The following DMD variants were observed in gnomAD, a reference collection of about 807,000 sequenced individuals.
DMD encodes dystrophin, also known as mutant dystrophin.
Under a neutral mutation model 330.1 loss-of-function variants are expected in DMD, and 63 were observed. The observed-to-expected ratio is 0.19, with a 90% confidence interval of 0.16 to 0.24. The LOEUF (loss-of-function observed/expected upper bound fraction) is 0.24. Among genes scored for constraint, DMD ranks in the 10% least tolerant of loss-of-function variants. DMD has a pLI of 1.00. For missense variants in DMD, 3,344 were observed against 2,684.1 expected (o/e 1.25, Z -5.43); for synonymous variants, 1,223 against 959.8 (o/e 1.27, Z -5.07).
At chrX:32,506,009 G>C (rs1259946197) in intron 18 of DMD, among the ~76,000 whole-genome samples, 1 of 112,215 alleles carries the variant, frequency 8.9e-6, no homozygotes, top group Non-Finnish European at 1.9e-5. Context: ...GTGGTTTCTA[G>C]AGATTAGGAG....
intron 37 of DMD, among the ~76,000 whole-genome samples, chrX:32,358,555 G>A (rs926749557): frequency 8.9e-6 from 1 of 111,756 alleles, no homozygotes; most frequent in Non-Finnish European, 1.9e-5. Context: ...CAAAGTCATT[G>A]GATACTCTTA....
rs201066069 is a variant in DMD, at chrX:31,982,180, C to CT, written c.6439-13667dup. Among the ~76,000 whole-genome samples the CT allele has an allele frequency of 1.5e-4, 17 of 110,733 alleles. No homozygotes were observed. The East Asian group carries it at 2.3e-3, about 15-fold the overall frequency. ...TTTCTAAACAACTTAAAAACCACTT[C>CT]TTTTTTTTTCCAGCTAATGAAAGTT... is the stretch of plus-strand genomic sequence containing the variant. On this transcript the variant is annotated intron_variant, in intron 44 of 78. Transcript: ENST00000357033.
intron 2 of DMD, among the ~76,000 whole-genome samples, chrX:32,862,815 C>T (rs2082169061): frequency 9.0e-6 from 1 of 111,137 alleles, no homozygotes; most frequent in African/African-American, 3.3e-5. Context: ...TGGCTCACTG[C>T]AACCTCCGCC....
intron 52 of DMD, among the ~76,000 whole-genome samples, chrX:31,699,076 T>G (rs996439075): frequency 9.8e-5 from 11 of 111,942 alleles, no homozygotes; most frequent in African/African-American, 3.6e-4. Flanking sequence ...ATTAATAATC[T>G]AGAAAGATAA....
At chrX:32,843,347 T>C (rs1385572139) in intron 4 of DMD, among the ~76,000 whole-genome samples, 1 of 112,304 alleles carries the variant, frequency 8.9e-6, no homozygotes, top group Admixed American at 9.5e-5. Flanking sequence ...TCAATGACAC[T>C]GATATTTCCA....
At chrX:33,041,650 A>G in intron 1 of DMD, 9 of 1,209,242 alleles carry the variant, frequency 7.4e-6, no homozygotes, top group Non-Finnish European at 1.0e-5. Context: ...AGAAAGTGAA[A>G]AAGACTTGGA....
chrX:31,755,443 C>G (rs2088984531), intron 51 of DMD, among the ~76,000 whole-genome samples: 2 of 111,919 alleles, frequency 1.8e-5, no homozygotes, highest in African/African-American at 3.2e-5. Flanking sequence ...CTGGAATATT[C>G]TCATGTCTCC....
intron 7 of DMD, among the ~76,000 whole-genome samples, chrX:32,732,422 A>G (rs1297303705): frequency 1.8e-5 from 2 of 110,322 alleles, no homozygotes; most frequent in African/African-American, 6.6e-5. Context: ...TGCCACAAAG[A>G]TACTCCTCGA....
intron 44 of DMD, among the ~76,000 whole-genome samples, chrX:32,121,914 C>T (rs1262021674): frequency 9.2e-6 from 1 of 109,271 alleles, no homozygotes; most frequent in Non-Finnish European, 1.9e-5. Flanking sequence ...TTTGTCCAAC[C>T]ACTACAAAGT....
At chrX:31,167,310 G>A (rs1486229348) in intron 74 of DMD, among the ~76,000 whole-genome samples, 2 of 111,359 alleles carry the variant, frequency 1.8e-5, no homozygotes, top group African/African-American at 3.3e-5. Flanking sequence ...CATAGCGTTT[G>A]TAAGAAGATT....
intron 74 of DMD, among the ~76,000 whole-genome samples, chrX:31,150,192 C>T (rs2037236807): frequency 9.0e-6 from 1 of 111,537 alleles, no homozygotes; most frequent in African/African-American, 3.3e-5. Context: ...TATCATAATT[C>T]ACTTTATATA....
chrX:32,956,025 C>CT (rs1345714428), intron 2 of DMD, among the ~76,000 whole-genome samples: 5 of 110,147 alleles, frequency 4.5e-5, no homozygotes, highest in South Asian at 3.8e-4. Flanking sequence ...TACTTGGGCT[C>CT]TTTTTTTTGG....
At chrX:33,025,574 A>G (rs140053706) in intron 1 of DMD, among the ~76,000 whole-genome samples, 1,308 of 111,992 alleles carry the variant, frequency 0.012, 24 homozygotes, top group African/African-American at 0.04. Flanking sequence ...TTTTTTTGAC[A>G]CAAGGTCTCG....
intron 2 of DMD, among the ~76,000 whole-genome samples, chrX:32,997,725 C>G (rs1044968965): frequency 1.8e-5 from 2 of 112,101 alleles, no homozygotes; most frequent in Non-Finnish European, 3.8e-5. Flanking sequence ...TCCATCCTCT[C>G]CTCTCTATCA....
chrX:33,288,103 C>G (rs2053460443), intron 1 of DMD, among the ~76,000 whole-genome samples: 1 of 111,726 alleles, frequency 9.0e-6, no homozygotes, highest in Non-Finnish European at 1.9e-5. Flanking sequence ...TTATAAAAAA[C>G]CAGATATTTA....
At chrX:32,780,215 C>A (rs1046891184) in intron 7 of DMD, among the ~76,000 whole-genome samples, 2 of 112,044 alleles carry the variant, frequency 1.8e-5, no homozygotes, top group Admixed American at 1.9e-4. Context: ...TAAAATTATA[C>A]GATGAATGTA....
chrX:31,181,631 T>C (rs1201682309), intron 68 of DMD, among the ~76,000 whole-genome samples: 2 of 112,177 alleles, frequency 1.8e-5, no homozygotes, highest in South Asian at 3.7e-4. Context: ...CTGTTGTCTA[T>C]CTAGGCTTCA....
At position 31,256,544 on chromosome X, in the gene DMD, T is replaced by C. The variant is rs769048262; in HGVS notation, c.9286+4411A>G. On this transcript the variant is annotated intron_variant, in intron 63 of 78. Coordinates refer to ENST00000357033, the MANE Select transcript of DMD (RefSeq NM_004006.3). ...GTTGGAAATAATCTAAAATTAATTATCTTATATTGTTTTTTATCTATTTTT... is the reference window on the plus strand; with the variant it reads ...GTTGGAAATAATCTAAAATTAATTACCTTATATTGTTTTTTATCTATTTTT... 3.9e-5 allele frequency among the ~76,000 whole-genome samples: 4 copies of C among 103,248 alleles called. No homozygotes were observed. The East Asian group carries it at 1.4e-3, about 37-fold the overall frequency. The allele number at this position is 103,248 out of a possible 115,157, so 89.7% of individuals were successfully genotyped here.
intron 44 of DMD, among the ~76,000 whole-genome samples, chrX:32,190,023 C>T (rs745952021): frequency 1.8e-5 from 2 of 110,660 alleles, no homozygotes; most frequent in African/African-American, 6.6e-5. Flanking sequence ...TAAAGACCTC[C>T]CCCTAGACCA....
Sources: gnomAD v4.1 joint callset for allele counts (sites outside exome capture counted in the v4.1 genomes callset) on GRCh38, gnomAD v4.1.1 for gene constraint, MANE v1.5 for transcripts, NCBI Gene and HGNC (gene_info 2026-07-23, HGNC 2026-07-21) for gene names.